Variants in NUMBL observed in about 807,000 individuals in gnomAD.
The protein encoded by NUMBL is numb-like protein.
A neutral mutation model predicts 48.9 loss-of-function variants in NUMBL; 20 were observed. The observed-to-expected ratio is 0.41, with a 90% CI of 0.29 to 0.59. The LOEUF (loss-of-function observed/expected upper bound fraction) is 0.59. NUMBL is among the 20% of genes least tolerant of loss of function. The pLI is 0.31. For synonymous variants in NUMBL, 340 were observed against 348.7 expected (o/e 0.98, Z 0.28); for missense variants, 660 against 846.2 (o/e 0.78, Z 2.73).
Position 40,680,974 on chromosome 19 carries a change from A to G in NUMBL, c.483T>C (p.Cys161=), listed in dbSNP as rs2561545. ...TCCAGCGGCGGGTAGTCCCGTCACG[A>G]CAGATATAGGAGAAAGCCTTGTCCA... is the stretch of plus-strand genomic sequence containing the variant. ...RNLDKAFSYI[C]RDGTTRRWIC... Residue 161 remains cysteine, a synonymous_variant, in exon 6 of 10, where the codon TGT becomes TGC. Coordinates refer to ENST00000252891, the MANE Select transcript of NUMBL (RefSeq NM_004756.5). 104,338 of 1,614,062 alleles carry G rather than the reference A, an allele frequency of 0.065. 4,142 individuals carry two copies. Among genetic ancestry groups the G allele is most frequent in the East Asian group, 0.21 (9,595 of 44,876 alleles).
At chr19:40,678,202 T>C (rs2081887995) in intron 6 of NUMBL, among the ~76,000 whole-genome samples, 1 of 152,116 alleles carries the variant, frequency 6.6e-6, no homozygotes, top group African/African-American at 2.4e-5. Flanking sequence ...CTTACTCTGA[T>C]GCTATGCTGG....
chr19:40,682,219 C>T lies in NUMBL; in HGVS notation c.399+509G>A, dbSNP rs1374206647. 2.6e-5 allele frequency among the ~76,000 whole-genome samples: 4 copies of T among 151,600 alleles called. No individual in the cohort carries two copies. Among genetic ancestry groups the T allele is most frequent in the Non-Finnish European group, 5.9e-5 (4 of 67,894 alleles). On this transcript the variant is annotated intron_variant, in intron 5 of 9. Coordinates refer to ENST00000252891, the MANE Select transcript of NUMBL (RefSeq NM_004756.5). This position sits in a 1 kb window ranked among gnomAD's most constrained non-coding sequence, Gnocchi z 4.0. ...TCCGCTCACCGCAACCTCCAAGTCT[C>T]GGGTTCAAGAGATTCTCCTGCCTCA...
chr19:40,673,202 G>T lies in NUMBL; in HGVS notation c.1036+142C>A. 1 of 886,828 alleles carries T rather than the reference G, an allele frequency of 1.1e-6. No homozygotes were observed. The highest frequency in any genetic ancestry group is 1.7e-6 in the Non-Finnish European group (1 of 597,506). The allele number at this position is 886,828 out of a possible 1,614,324, so 54.9% of individuals were successfully genotyped here. On this transcript the variant is annotated intron_variant, in intron 8 of 9. Coordinates refer to ENST00000252891, the MANE Select transcript of NUMBL (RefSeq NM_004756.5). This position sits in a 1 kb window ranked among gnomAD's most constrained non-coding sequence, Gnocchi z 5.9. ...CCCTTGCCCACTGCTAATCGATCAT[G>T]ACATGTTCCCACTCTCTCTCCTTTG...
rs1324462752 is a variant in NUMBL at position 40,687,952 on chromosome 19, C to T, written c.25-957G>A. On this transcript the variant is annotated intron_variant, in intron 1 of 9. Transcript: ENST00000252891. The surrounding 1 kb of genome is among the most constrained non-coding windows in gnomAD (Gnocchi z 4.6). Reference sequence around the variant, plus strand: ...GGTCACACATACTCAGTCATAGGTGCTCAAATCTGGTCACAGCATCAGTCA... The same window carrying T: ...GGTCACACATACTCAGTCATAGGTGTTCAAATCTGGTCACAGCATCAGTCA... 6.6e-6 allele frequency among the ~76,000 whole-genome samples: 1 copy of T among 152,218 alleles called. No individual in the cohort carries two copies. The highest frequency in any genetic ancestry group is 6.5e-5 in the Admixed American group (1 of 15,284).
At chr19:40,690,402 C>T (rs1482481454) in intron 1 of NUMBL, 58 bp downstream of exon 1, 2 of 1,062,290 alleles carry the variant, frequency 1.9e-6, no homozygotes, top group Non-Finnish European at 2.4e-6. Flanking sequence ...TCCCACCCTC[C>T]GCCACATCAG....
At chr19:40,676,802 G>T (rs1286036190) in intron 7 of NUMBL, among the ~76,000 whole-genome samples, 2 of 151,826 alleles carry the variant, frequency 1.3e-5, no homozygotes, top group Non-Finnish European at 2.9e-5. Context: ...CTCTTTCCAT[G>T]GAAGTTGCTT....
At position 40,686,972 on chromosome 19, in the gene NUMBL, C is replaced by G. The variant is rs1308445374; in HGVS notation, c.48G>C (p.Arg16=). The G allele has an allele frequency of 6.6e-7, 1 of 1,526,254 alleles. No homozygotes were observed. Among genetic ancestry groups the G allele is most frequent in the Non-Finnish European group, 8.8e-7 (1 of 1,138,298 alleles). 94.5% of individuals were successfully genotyped at this position (1,526,254 alleles called of 1,614,324 possible). The part of the protein sequence containing the change: ...AASGGPRRPE[R]HLPPAPCGAP... ...CCCCACAGGGGGCTGGGGGCAGGTG[C>G]CGCTCAGGCCTCCGGGGTCCGCCCT... is the stretch of plus-strand genomic sequence containing the variant. Residue 16 remains arginine (R), a synonymous_variant, in exon 2 of 10, where the codon CGG becomes CGC. Transcript: ENST00000252891.
chr19:40,675,928 C>T (rs1276383657), intron 7 of NUMBL, among the ~76,000 whole-genome samples: 1 of 151,402 alleles, frequency 6.6e-6, no homozygotes, highest in East Asian at 1.9e-4. Context: ...TGTGGTGGTG[C>T]AATCGCAGCT....
At position 40,673,493 on chromosome 19, in the gene NUMBL, G is replaced by A; in HGVS notation, c.887C>T (p.Pro296Leu). Residue 296 changes from proline to leucine, a missense_variant, in exon 8 of 10, where the codon CCC (proline) becomes CTC (leucine). This residue lies in a region of NUMBL where 278 missense variants were observed against 420.6 expected (regional missense o/e 0.66). Transcript: ENST00000252891. This position sits in a 1 kb window ranked among gnomAD's most constrained non-coding sequence, Gnocchi z 5.9. ...GCCCTGGCGAACCAGCTGCTCCAGG[G>A]GTGCATGGCGCCGGGGGATGGCGGC... is the stretch of plus-strand genomic sequence containing the variant. Reference protein sequence around the residue: ...TAAAIPRRHAPLEQLVRQGSF... With the variant: ...TAAAIPRRHALLEQLVRQGSF... 2 of 1,589,282 alleles carry A rather than the reference G, an allele frequency of 1.3e-6. No homozygotes were observed. The highest frequency in any genetic ancestry group is 1.7e-6 in the Non-Finnish European group (2 of 1,168,162).
At chr19:40,675,610 C>T (rs2081871834) in intron 7 of NUMBL, among the ~76,000 whole-genome samples, 1 of 147,566 alleles carries the variant, frequency 6.8e-6, no homozygotes, top group Admixed American at 6.7e-5. Flanking sequence ...CACACACACA[C>T]ACACAGAGTT....
intron 6 of NUMBL, among the ~76,000 whole-genome samples, chr19:40,679,730 T>C (rs2081895370): frequency 6.6e-6 from 1 of 152,026 alleles, no homozygotes; most frequent in South Asian, 2.1e-4. Context: ...CAGACACATA[T>C]TATATGATTC....
chr19:40,667,252 C>A lies in NUMBL; in HGVS notation c.*216G>T. On this transcript the variant is annotated 3_prime_UTR_variant, in exon 10 of 10. Coordinates refer to ENST00000252891, the MANE Select transcript of NUMBL (RefSeq NM_004756.5). This position sits in a 1 kb window ranked among gnomAD's most constrained non-coding sequence, Gnocchi z 6.1. Reference sequence around the variant, plus strand: ...CCTAAGTCCGGCAGTGAAATGGTTCCCTTAGCCAGGCTGGGTCCGTCCCTG... The same window carrying A: ...CCTAAGTCCGGCAGTGAAATGGTTCACTTAGCCAGGCTGGGTCCGTCCCTG... 1.5e-6 allele frequency: 1 copy of A among 647,336 alleles called. No individual in the cohort carries two copies. The highest frequency in any genetic ancestry group is 2.0e-5 in the South Asian group (1 of 49,968). The allele number at this position is 647,336 out of a possible 1,614,324, so 40.1% of individuals were successfully genotyped here. A position where few individuals can be genotyped will look rare whatever the true frequency, so the allele number is the denominator to read the frequency against.
chr19:40,680,216 C>T (rs2144660299), intron 6 of NUMBL, among the ~76,000 whole-genome samples: 1 of 151,698 alleles, frequency 6.6e-6, no homozygotes, highest in East Asian at 1.9e-4. Flanking sequence ...ACTGCAACCT[C>T]CGTCTCCAGG....
chr19:40,673,780 G>T lies in NUMBL; in HGVS notation c.731-131C>A. Reference sequence around the variant, plus strand: ...TGAGTCCTGCCCTTAAGACAAGCTAGTCAAAGCCCTGAGATATCCCTCACC... The same window carrying T: ...TGAGTCCTGCCCTTAAGACAAGCTATTCAAAGCCCTGAGATATCCCTCACC... On this transcript the variant is annotated intron_variant, in intron 7 of 9. Transcript: ENST00000252891. This position sits in a 1 kb window ranked among gnomAD's most constrained non-coding sequence, Gnocchi z 5.9. The T allele has an allele frequency of 1.2e-6, 1 of 868,148 alleles. No homozygotes were observed. Among genetic ancestry groups the T allele is most frequent in the Non-Finnish European group, 1.7e-6 (1 of 589,528 alleles). The allele number at this position is 868,148 out of a possible 1,614,324, so 53.8% of individuals were successfully genotyped here.
chr19:40,678,141 T>A (rs2081887616), intron 6 of NUMBL, among the ~76,000 whole-genome samples: 2 of 152,060 alleles, frequency 1.3e-5, no homozygotes, highest in South Asian at 4.1e-4. Flanking sequence ...GGTGGGGTCC[T>A]CATGATGGAA....
At chr19:40,686,681 C>A (rs1444657502) in intron 2 of NUMBL, among the ~76,000 whole-genome samples, 1 of 132,888 alleles carries the variant, frequency 7.5e-6, no homozygotes, top group Admixed American at 7.5e-5. Flanking sequence ...GTGTCTCTAA[C>A]CGTATATCTA....
rs1402546424 is a variant in NUMBL, at chr19:40,683,395, CT to C, written c.250-428del. Among the ~76,000 whole-genome samples, 3 of 152,274 alleles carry C rather than the reference CT, an allele frequency of 2.0e-5. 1 individual carries two copies. Among genetic ancestry groups the C allele is most frequent in the African/African-American group, 7.2e-5 (3 of 41,472 alleles). On this transcript the variant is annotated intron_variant, in intron 3 of 9. Coordinates refer to ENST00000252891, the MANE Select transcript of NUMBL (RefSeq NM_004756.5). ...GCTCCCTCATCTGCAGGTGGGATGA[CT>C]GTTGCCTCGAGTTTCCCAGGGGAAA... is the stretch of plus-strand genomic sequence containing the variant.
intron 6 of NUMBL, among the ~76,000 whole-genome samples, chr19:40,678,843 A>G (rs913354756): frequency 2.0e-4 from 31 of 152,216 alleles, no homozygotes; most frequent in African/African-American, 7.0e-4. Context: ...TCACACCTGT[A>G]ATCCCAGGAG....
In NUMBL at chr19:40,673,627, A is replaced by T. The variant is rs753001978; in HGVS notation, c.753T>A (p.Thr251=). ...CAGGCTGGGCAGGGCCAGGAGCCACAGTGGGGGCAGCTGCTGCCTCTGCTG... is the reference window on the plus strand; with the variant it reads ...CAGGCTGGGCAGGGCCAGGAGCCACTGTGGGGGCAGCTGCTGCCTCTGCTG... ...KKKAEAAAAP[T]VAPGPAQPGH... Residue 251 remains threonine, a synonymous_variant, in exon 8 of 10, where the codon ACT becomes ACA. Coordinates refer to ENST00000252891, the MANE Select transcript of NUMBL (RefSeq NM_004756.5). The surrounding 1 kb of genome is among the most constrained non-coding windows in gnomAD (Gnocchi z 5.9). 6 of 1,500,598 alleles carry T rather than the reference A, an allele frequency of 4.0e-6. No individual in the cohort carries two copies. Among genetic ancestry groups the T allele is most frequent in the Middle Eastern group, 4.6e-4 (2 of 4,332 alleles). 93.0% of individuals were successfully genotyped at this position (1,500,598 alleles called of 1,614,324 possible). A position where few individuals can be genotyped will look rare whatever the true frequency, so the allele number is the denominator to read the frequency against.
Sources: allele counts gnomAD v4.1 joint callset (sites outside exome capture counted in the v4.1 genomes callset), GRCh38; gene constraint gnomAD v4.1.1; regional missense constraint gnomAD v4.1.1; non-coding constraint Gnocchi (gnomAD v3.1); transcripts MANE v1.5; gene names NCBI Gene and HGNC (gene_info 2026-07-23, HGNC 2026-07-21).